ZCCHC7: variants seen among roughly 807,000 people sequenced by gnomAD.
ZCCHC7 encodes zinc finger CCHC-type containing 7.
In ZCCHC7, 35 loss-of-function variants were observed where a neutral mutation model predicts 52.0. The ratio of observed to expected loss-of-function variants is 0.67; its 90% CI spans 0.51 to 0.89. The LOEUF (loss-of-function observed/expected upper bound fraction) is 0.89, where lower values mean the gene tolerates loss of function less well. Among genes scored for constraint, ZCCHC7 ranks in the 40% least tolerant of loss-of-function variants. The pLI is 0.00. For synonymous variants in ZCCHC7, 217 were observed against 221.5 expected (o/e 0.98, Z 0.18); for missense variants, 574 against 649.1 (o/e 0.88, Z 1.26).
intron 2 of ZCCHC7, among the ~76,000 whole-genome samples, chr9:37,234,480 G>A (rs1825550934): frequency 6.6e-6 from 1 of 152,186 alleles, no homozygotes. Context: ...CAATCAGTGG[G>A]GTCTGATGTT....
chr9:37,160,625 G>A (rs944325415), intron 2 of ZCCHC7, among the ~76,000 whole-genome samples: 76 of 152,278 alleles, frequency 5.0e-4, no homozygotes, highest in African/African-American at 1.7e-3. Context: ...AGTGGCTCAC[G>A]CCTATAATCC....
chr9:37,320,444 T>C (rs917152296), intron 5 of ZCCHC7, among the ~76,000 whole-genome samples: 9 of 152,210 alleles, frequency 5.9e-5, no homozygotes, highest in African/African-American at 2.2e-4. Context: ...ATGTAAATTC[T>C]AGAATCACCT....
chr9:37,252,706 C>A (rs998913683), intron 2 of ZCCHC7, among the ~76,000 whole-genome samples: 32 of 152,120 alleles, frequency 2.1e-4, no homozygotes, highest in African/African-American at 7.7e-4. Context: ...ATTTAAGTCA[C>A]CCTTACGTCA....
chr9:37,257,499 A>G (rs1172143059), intron 2 of ZCCHC7, among the ~76,000 whole-genome samples: 1 of 152,228 alleles, frequency 6.6e-6, no homozygotes, highest in African/African-American at 2.4e-5. Flanking sequence ...AGTAAGCCAG[A>G]TATGGAAAGA....
In ZCCHC7 at chr9:37,126,596, G is replaced by T; in HGVS notation, c.264G>T (p.Gly88=). 1 of 1,614,160 alleles carries T rather than the reference G, an allele frequency of 6.2e-7. No homozygotes were observed. The highest frequency in any genetic ancestry group is 8.5e-7 in the Non-Finnish European group (1 of 1,180,020). ...SDSEVIQLSD[G]SEVITLSDED... ...GTGAGGTCATCCAGCTGTCAGATGG[G>T]TCAGAGGTCATCACTTTGTCTGATG... is the stretch of plus-strand genomic sequence containing the variant. Residue 88 remains glycine (G), a synonymous_variant, in exon 2 of 9, where the codon GGG becomes GGT. Transcript: ENST00000336755.
At chr9:37,183,772 TATAA>T (rs1412194211) in intron 2 of ZCCHC7, among the ~76,000 whole-genome samples, 1 of 152,254 alleles carries the variant, frequency 6.6e-6, no homozygotes, top group African/African-American at 2.4e-5. Context: ...ATCTCTCATT[TATAA>T]ATAAAGAAAT....
chr9:37,285,511 C>G (rs1344581887), intron 2 of ZCCHC7, among the ~76,000 whole-genome samples: 1 of 151,958 alleles, frequency 6.6e-6, no homozygotes, highest in Non-Finnish European at 1.5e-5. Flanking sequence ...AGCAACACAC[C>G]TTAGGAGCAG....
At chr9:37,333,080 T>C (rs887325371) in intron 6 of ZCCHC7, among the ~76,000 whole-genome samples, 4 of 151,714 alleles carry the variant, frequency 2.6e-5, no homozygotes, top group African/African-American at 9.7e-5. Context: ...TTGGTTTAAA[T>C]GGGAAATCAA....
At chr9:37,168,595 A>G (rs1442352493) in intron 2 of ZCCHC7, among the ~76,000 whole-genome samples, 1 of 152,208 alleles carries the variant, frequency 6.6e-6, no homozygotes, top group Non-Finnish European at 1.5e-5. Flanking sequence ...CTAAAATTAA[A>G]TTATGTAAAC....
rs1312762279 is a variant in ZCCHC7, at chr9:37,349,588, C to T, written c.1083+136C>T. 6 of 826,096 alleles carry T rather than the reference C, an allele frequency of 7.3e-6. No individual in the cohort carries two copies. In the South Asian group the frequency reaches 1.1e-4, roughly 16 times the overall value. 51.2% of individuals were successfully genotyped at this position (826,096 alleles called of 1,614,324 possible). A position where few individuals can be genotyped will look rare whatever the true frequency, so the allele number is the denominator to read the frequency against. ...AAAGTAAGACTTAATATATTTTCAA[C>T]TGGTTTACCCCTCCCCTCCCTGCTA... On this transcript the variant is annotated intron_variant, in intron 7 of 8. Coordinates refer to ENST00000336755, the MANE Select transcript of ZCCHC7 (RefSeq NM_032226.3).
intron 6 of ZCCHC7, chr9:37,333,891 T>C (rs1332323928): frequency 1.3e-5 from 2 of 151,906 alleles, no homozygotes; most frequent in African/African-American, 4.8e-5. Flanking sequence ...TTGCGTGTCA[T>C]TCTTGCTCAG....
chr9:37,251,360 T>A (rs1826320729), intron 2 of ZCCHC7, among the ~76,000 whole-genome samples: 1 of 152,246 alleles, frequency 6.6e-6, no homozygotes, highest in Non-Finnish European at 1.5e-5. Flanking sequence ...TCTGCTATAG[T>A]TATTTCTATC....
At chr9:37,312,078 T>G (rs1829627110) in intron 5 of ZCCHC7, among the ~76,000 whole-genome samples, 1 of 152,244 alleles carries the variant, frequency 6.6e-6, no homozygotes, top group Non-Finnish European at 1.5e-5. Context: ...TGAGTAGTAT[T>G]CATATGATTT....
intron 2 of ZCCHC7, among the ~76,000 whole-genome samples, chr9:37,274,579 T>G (rs1827594562): frequency 6.6e-6 from 1 of 152,120 alleles, no homozygotes; most frequent in Non-Finnish European, 1.5e-5. Flanking sequence ...CCTCAAGTGA[T>G]CTGCCTGCCT....
In ZCCHC7 at chr9:37,349,443, T is replaced by C. The variant is rs894559842; in HGVS notation, c.1074T>C (p.His358=). 6.2e-7 allele frequency: 1 copy of C among 1,613,886 alleles called. No homozygotes were observed. Residue 358 remains histidine (H), a synonymous_variant, in exon 7 of 9, where the codon CAT becomes CAC. Transcript: ENST00000336755. ...AYCYHCAQKG[H]YGHECPEREV... ...GCTATCACTGCGCGCAAAAAGGCCA[T>C]TATGGACACGTAAGTTTGAGTGACA...
At chr9:37,181,126 G>A (rs146490692) in intron 2 of ZCCHC7, among the ~76,000 whole-genome samples, 1 of 152,054 alleles carries the variant, frequency 6.6e-6, no homozygotes, top group African/African-American at 2.4e-5. Flanking sequence ...TTTTTTAGAA[G>A]CAGATCAGCT....
intron 5 of ZCCHC7, among the ~76,000 whole-genome samples, chr9:37,316,024 A>G (rs1829802676): frequency 6.7e-6 from 1 of 150,242 alleles, no homozygotes; most frequent in South Asian, 2.1e-4. Flanking sequence ...CTCAAAAAAA[A>G]AAAAAGGGTT....
At chr9:37,344,655 G>A (rs1820850252) in intron 6 of ZCCHC7, among the ~76,000 whole-genome samples, 1 of 152,100 alleles carries the variant, frequency 6.6e-6, no homozygotes, top group Non-Finnish European at 1.5e-5. Context: ...GTCAATCTAA[G>A]TCATCACTAG....
intron 2 of ZCCHC7, among the ~76,000 whole-genome samples, chr9:37,204,270 G>C (rs568728077): frequency 6.6e-6 from 1 of 152,174 alleles, no homozygotes; most frequent in Admixed American, 6.5e-5. Context: ...TGTTCACTCT[G>C]ATGATAGTTT....
Sources: allele counts gnomAD v4.1 joint callset (sites outside exome capture counted in the v4.1 genomes callset), GRCh38; gene constraint gnomAD v4.1.1; transcripts MANE v1.5; gene names NCBI Gene and HGNC (gene_info 2026-07-23, HGNC 2026-07-21).